The following FRMD4B variants were observed in gnomAD, a reference collection of about 807,000 sequenced individuals.
The protein encoded by FRMD4B is FERM domain containing 4B.
Under a neutral mutation model 141.5 loss-of-function variants are expected in FRMD4B, and 74 were observed. The ratio of observed to expected loss-of-function variants is 0.52; its 90% CI spans 0.43 to 0.63. The LOEUF is 0.63. FRMD4B is among the 30% of genes least tolerant of loss of function. The pLI is 0.00. For synonymous variants in FRMD4B, 506 were observed against 467.9 expected, an observed-to-expected ratio of 1.08 and a Z score of -1.05; for missense variants, 1,366 against 1,253.4, an observed-to-expected ratio of 1.09 and a Z score of -1.36.
chr3:69,431,533 A>G (rs376683663), intron 2 of FRMD4B, among the ~76,000 whole-genome samples: 76 of 152,290 alleles, frequency 5.0e-4, no homozygotes, highest in African/African-American at 1.8e-3. Context: ...TCAACCAATA[A>G]TTACTGAGCA....
rs745509026 is a variant in FRMD4B, at chr3:69,224,640, T to C, written c.632A>G (p.Lys211Arg). 6 of 1,588,092 alleles carry C rather than the reference T, an allele frequency of 3.8e-6. No homozygotes were observed. The highest frequency in any genetic ancestry group is 5.2e-6 in the Non-Finnish European group (6 of 1,161,402). The change falls in exon 8 of 23, where the codon AAA becomes AGA. Residue 211 changes from lysine to arginine, a missense_variant. By Grantham distance (26) the Lys-to-Arg change is conservative (BLOSUM62 2). Transcript: ENST00000398540. ...DLKTLPAFPT[K>R]TLQEHPSLAY... Reference sequence around the variant, plus strand: ...AAGGGATGGATGCTCCTGAAGAGTTTTGGTTGGAAAGGCTGGTAATGTCTT... The same window carrying C: ...AAGGGATGGATGCTCCTGAAGAGTTCTGGTTGGAAAGGCTGGTAATGTCTT...
At chr3:69,429,431 T>A (rs1374839602) in intron 2 of FRMD4B, among the ~76,000 whole-genome samples, 1 of 152,184 alleles carries the variant, frequency 6.6e-6, no homozygotes, top group African/African-American at 2.4e-5. Flanking sequence ...TTTAAAATAT[T>A]TTTTTGTCCT....
At chr3:69,253,179 TCC>T (rs2093473702) in intron 5 of FRMD4B, among the ~76,000 whole-genome samples, 1 of 143,566 alleles carries the variant, frequency 7.0e-6, no homozygotes, top group African/African-American at 2.6e-5. Context: ...AAAATATGAT[TCC>T]TATTTTTTTT....
chr3:69,491,674 ACAGT>A (rs1456809814), intron 1 of FRMD4B, among the ~76,000 whole-genome samples: 1 of 152,234 alleles, frequency 6.6e-6, no homozygotes, highest in Non-Finnish European at 1.5e-5. Context: ...TAAGCACCAC[ACAGT>A]CAATCAATAA....
intron 2 of FRMD4B, among the ~76,000 whole-genome samples, chr3:69,405,663 G>A (rs1361353352): frequency 6.6e-6 from 1 of 152,216 alleles, no homozygotes; most frequent in Non-Finnish European, 1.5e-5. Context: ...AGCAAAGGGA[G>A]GAACCATTGC....
chr3:69,250,527 G>T (rs1378969080), intron 5 of FRMD4B, among the ~76,000 whole-genome samples: 1 of 151,940 alleles, frequency 6.6e-6, no homozygotes, highest in African/African-American at 2.4e-5. Flanking sequence ...TTACAGCATG[G>T]TTATTTCAGT....
chr3:69,393,804 C>T (rs1287719013), intron 2 of FRMD4B, among the ~76,000 whole-genome samples: 1 of 152,066 alleles, frequency 6.6e-6, no homozygotes, highest in African/African-American at 2.4e-5. Flanking sequence ...TCAGTTGATT[C>T]TCACAATATA....
At chr3:69,393,698 C>T (rs1704427948) in intron 2 of FRMD4B, among the ~76,000 whole-genome samples, 2 of 152,152 alleles carry the variant, frequency 1.3e-5, no homozygotes, top group African/African-American at 2.4e-5. Flanking sequence ...ACTTAACCTA[C>T]ATGTACTTCA....
rs548780099 is a variant in FRMD4B at position 69,435,053 on chromosome 3, T to C, written c.-128-2292A>G. 2.6e-5 allele frequency among the ~76,000 whole-genome samples: 4 copies of C among 152,282 alleles called. 1 individual carries two copies. The highest frequency in any genetic ancestry group is 1.9e-4 in the East Asian group (1 of 5,182). On this transcript the variant is annotated intron_variant, in intron 1 of 5. Transcript: ENST00000459638. ...TCTTCTTATAAAGACACCAGTCACA[T>C]TGTATTAGGGCCCATCCTCAAGGCC...
At chr3:69,269,363 G>A (rs1354979640) in intron 5 of FRMD4B, among the ~76,000 whole-genome samples, 1 of 151,878 alleles carries the variant, frequency 6.6e-6, no homozygotes, top group African/African-American at 2.4e-5. Flanking sequence ...CATGGGTCCT[G>A]TGAGGAGGTA....
chr3:69,174,173 T>TA (rs1386715303), intron 22 of FRMD4B, among the ~76,000 whole-genome samples: 10 of 150,094 alleles, frequency 6.7e-5, no homozygotes, highest in Non-Finnish European at 1.0e-4. Context: ...AGTACTTTTA[T>TA]AAAAAAAAGA....
rs1704974989 is a variant in FRMD4B at position 69,421,294 on chromosome 3, TG to T, written c.-1+11339del. ...CCGGATGACTTTGCATAAGGCACTT[TG>T]TGTCTCTGGGCTTTTATTTCCCGTA... On this transcript the variant is annotated intron_variant, in intron 2 of 5. Coordinates refer to the FRMD4B transcript ENST00000459638. Among the ~76,000 whole-genome samples the T allele has an allele frequency of 2.0e-5, 3 of 152,234 alleles. No individual in the cohort carries two copies. In the South Asian group the frequency reaches 6.2e-4, roughly 32 times the overall value.
At chr3:69,340,119 C>A (rs1048888750) in intron 1 of FRMD4B, among the ~76,000 whole-genome samples, 2 of 152,030 alleles carry the variant, frequency 1.3e-5, no homozygotes, top group African/African-American at 4.8e-5. Flanking sequence ...TAACCCAACT[C>A]ATCTCTAAAA....
chr3:69,360,954 AT>A (rs940915124), intron 1 of FRMD4B, among the ~76,000 whole-genome samples: 11 of 152,130 alleles, frequency 7.2e-5, no homozygotes, highest in East Asian at 3.9e-4. Flanking sequence ...ATAATGAGAG[AT>A]TTTTTTCCTT....
At chr3:69,463,834 C>G (rs1428983147) in intron 1 of FRMD4B, among the ~76,000 whole-genome samples, 1 of 152,242 alleles carries the variant, frequency 6.6e-6, no homozygotes, top group African/African-American at 2.4e-5. Flanking sequence ...GGAGGGCTCT[C>G]TCTGCACAAA....
chr3:69,396,549 A>G (rs2314981), intron 2 of FRMD4B, among the ~76,000 whole-genome samples: 96,940 of 151,952 alleles, frequency 0.64, 31,383 homozygotes, highest in East Asian at 0.7. Context: ...CTCTTTGAAG[A>G]GAAGAAACAT....
intron 7 of FRMD4B, 87 bp from the exon 8 acceptor site, chr3:69,224,777 A>G: frequency 2.8e-6 from 2 of 719,322 alleles, no homozygotes; most frequent in South Asian, 3.1e-5. Flanking sequence ...GATTAAAAAA[A>G]TAACTATTTA....
At chr3:69,522,598 G>A (rs1377686518) in intron 1 of FRMD4B, among the ~76,000 whole-genome samples, 1 of 152,108 alleles carries the variant, frequency 6.6e-6, no homozygotes, top group Non-Finnish European at 1.5e-5. Context: ...GGCTTCAGAT[G>A]ACATTATTTG....
intron 1 of FRMD4B, among the ~76,000 whole-genome samples, chr3:69,458,849 T>TAAA (rs35229515): frequency 3.5e-4 from 29 of 82,160 alleles, no homozygotes; most frequent in African/African-American, 1.2e-3. Context: ...ATGGGCTGCT[T>TAAA]AAAAAAAAAA....
Sources: allele counts gnomAD v4.1 joint callset (sites outside exome capture counted in the v4.1 genomes callset), GRCh38; gene constraint gnomAD v4.1.1; transcripts MANE v1.5; gene names NCBI Gene and HGNC (gene_info 2026-07-23, HGNC 2026-07-21).